The following DIAPH2 variants were observed in gnomAD, a reference collection of about 807,000 sequenced individuals.
DIAPH2 encodes diaphanous related formin 2.
DIAPH2 carries 35 observed loss-of-function variants against 92.7 expected under a neutral mutation model. The observed-to-expected ratio is 0.38, with a 90% confidence interval of 0.29 to 0.50. The LOEUF is 0.50. Ranked by LOEUF, DIAPH2 falls within the 20% of genes least tolerant of loss-of-function variation. The probability of loss-of-function intolerance (pLI) is 0.94; values close to 1 mark genes in which losing one functional copy is unlikely to be tolerated. For synonymous variants in DIAPH2, 301 were observed against 280.4 expected (o/e 1.07, Z -0.73); for missense variants, 701 against 819.5 (o/e 0.86, Z 1.77).
At chrX:96,868,441 C>A (rs370930433) in intron 4 of DIAPH2, among the ~76,000 whole-genome samples, 11 of 111,794 alleles carry the variant, frequency 9.8e-5, no homozygotes, top group African/African-American at 3.2e-4. Flanking sequence ...TTGCTGTGAG[C>A]TCCAGGTATA....
Position 97,383,914 on chromosome X carries a change from A to G in DIAPH2, c.3015A>G (p.Ala1005=). The change falls in exon 25 of 27, where the codon GCA becomes GCG. Residue 1005 remains alanine, a synonymous_variant. Transcript: ENST00000324765. ...AACTTTGTTTATATGTATAGGAAGCAGTGAGAGAAAACAATAAGAGAAGAG... is the reference window on the plus strand; with the variant it reads ...AACTTTGTTTATATGTATAGGAAGCGGTGAGAGAAAACAATAAGAGAAGAG... ...LNNFRTLFLE[A]VRENNKRREM... is the part of the protein sequence containing the mutation. 3.3e-6 allele frequency: 4 copies of G among 1,194,780 alleles called. No individual in the cohort carries two copies. Among genetic ancestry groups the G allele is most frequent in the Non-Finnish European group, 4.5e-6 (4 of 888,226 alleles).
chrX:97,526,911 T>A (rs2071028165), intron 26 of DIAPH2, among the ~76,000 whole-genome samples: 1 of 111,339 alleles, frequency 9.0e-6, no homozygotes, highest in Admixed American at 9.6e-5. Flanking sequence ...GACTCTGCTG[T>A]CCAACATGTC....
intron 9 of DIAPH2, among the ~76,000 whole-genome samples, chrX:96,921,355 T>G (rs1049852819): frequency 9.0e-6 from 1 of 111,488 alleles, no homozygotes; most frequent in Non-Finnish European, 1.9e-5. Context: ...TTGACTTTCC[T>G]TCAGCTTAGT....
intron 22 of DIAPH2, among the ~76,000 whole-genome samples, chrX:97,187,881 G>A (rs1441958658): frequency 9.0e-6 from 1 of 111,241 alleles, no homozygotes; most frequent in Non-Finnish European, 1.9e-5. Context: ...AATATTAATA[G>A]AAATATAGAT....
At chrX:96,976,023 C>A (rs775820077) in intron 17 of DIAPH2, among the ~76,000 whole-genome samples, 1 of 98,335 alleles carries the variant, frequency 1.0e-5, no homozygotes, top group Non-Finnish European at 2.1e-5. Flanking sequence ...CTCCCTCCCT[C>A]CCTTCCTTCC....
chrX:97,516,292 T>C (rs1316517161), intron 26 of DIAPH2, among the ~76,000 whole-genome samples: 3 of 111,272 alleles, frequency 2.7e-5, no homozygotes, highest in Non-Finnish European at 3.8e-5. Context: ...CATAAGGCCA[T>C]GAATGTACTC....
chrX:97,170,855 TC>T (rs2067447163), intron 22 of DIAPH2, among the ~76,000 whole-genome samples: 1 of 111,059 alleles, frequency 9.0e-6, no homozygotes, highest in African/African-American at 3.3e-5. Flanking sequence ...TACATGATTT[TC>T]TTTTTTAAAA....
At position 96,729,230 on chromosome X, in the gene DIAPH2, A is replaced by G. The variant is rs762726192; in HGVS notation, c.133-6528A>G. On this transcript the variant is annotated intron_variant, in intron 1 of 26. Transcript: ENST00000324765. ...GAGCAGAGGGATGACTTTGAATAGA[A>G]TAAGAGGCGGTTCCCAGCTTGAAGA... Among the ~76,000 whole-genome samples the G allele has an allele frequency of 7.1e-5, 8 of 112,193 alleles. No individual in the cohort carries two copies. In the South Asian group the frequency reaches 3.0e-3, roughly 42 times the overall value.
At chrX:97,518,479 A>T (rs2070966240) in intron 26 of DIAPH2, among the ~76,000 whole-genome samples, 2 of 110,248 alleles carry the variant, frequency 1.8e-5, no homozygotes, top group Admixed American at 1.9e-4. Flanking sequence ...TCCTTCTAAT[A>T]GCATATATAT....
At chrX:97,283,741 G>C (rs1382124007) in intron 23 of DIAPH2, among the ~76,000 whole-genome samples, 2 of 112,355 alleles carry the variant, frequency 1.8e-5, no homozygotes, top group Non-Finnish European at 3.8e-5. Flanking sequence ...TCGGGAGTTT[G>C]AGACCAGCCT....
intron 4 of DIAPH2, among the ~76,000 whole-genome samples, chrX:96,856,193 G>A (rs768763277): frequency 1.2e-4 from 13 of 111,604 alleles, no homozygotes; most frequent in Admixed American, 3.8e-4. Flanking sequence ...CATTTAATAA[G>A]CAGACTAGCC....
intron 22 of DIAPH2, among the ~76,000 whole-genome samples, chrX:97,162,614 C>T (rs748287617): frequency 7.2e-4 from 80 of 111,119 alleles, no homozygotes; most frequent in African/African-American, 2.3e-3. Flanking sequence ...AAGTGATCCT[C>T]CCTGCTTTCG....
Position 96,749,608 on chromosome X carries a change from G to A in DIAPH2, c.343-8546G>A, listed in dbSNP as rs764640947. Among the ~76,000 whole-genome samples, 3 of 111,929 alleles carry A rather than the reference G, an allele frequency of 2.7e-5. No individual in the cohort carries two copies. In the Admixed American group the frequency reaches 2.9e-4, roughly 11 times the overall value. Reference sequence around the variant, plus strand: ...AAGATTTCCTGCTGAACCATGACTAGTAAATTCCTGTCTTACTTGATGACA... The same window carrying A: ...AAGATTTCCTGCTGAACCATGACTAATAAATTCCTGTCTTACTTGATGACA... On this transcript the variant is annotated intron_variant, in intron 3 of 26. Transcript: ENST00000324765.
chrX:97,328,376 A>C (rs1440299618), intron 23 of DIAPH2, among the ~76,000 whole-genome samples: 1 of 111,604 alleles, frequency 9.0e-6, no homozygotes, highest in Non-Finnish European at 1.9e-5. Context: ...CAGAGGTTGC[A>C]GTGAGCTGAG....
chrX:97,159,657 C>T (rs866563308), intron 22 of DIAPH2, among the ~76,000 whole-genome samples: 5 of 110,715 alleles, frequency 4.5e-5, no homozygotes, highest in Admixed American at 9.5e-5. Flanking sequence ...TAGCCACATA[C>T]GCAGGTAGGT....
chrX:96,785,343 G>A (rs1251982712), intron 4 of DIAPH2, among the ~76,000 whole-genome samples: 1 of 110,502 alleles, frequency 9.0e-6, no homozygotes, highest in Non-Finnish European at 1.9e-5. Flanking sequence ...AGGCTAGGAA[G>A]TCCAAGATGA....
chrX:97,472,777 A>G (rs2070573400), intron 26 of DIAPH2, among the ~76,000 whole-genome samples: 1 of 112,366 alleles, frequency 8.9e-6, no homozygotes, highest in Non-Finnish European at 1.9e-5. Flanking sequence ...TACTCATCAC[A>G]GTATCTCTAG....
chrX:97,291,155 G>A (rs1290236181), intron 23 of DIAPH2, among the ~76,000 whole-genome samples: 2 of 109,980 alleles, frequency 1.8e-5, no homozygotes, highest in Non-Finnish European at 3.8e-5. Flanking sequence ...GGGAGGCCGA[G>A]GCGGGCAGAT....
At chrX:97,290,176 T>C (rs1172186716) in intron 23 of DIAPH2, among the ~76,000 whole-genome samples, 1 of 109,539 alleles carries the variant, frequency 9.1e-6, no homozygotes, top group Admixed American at 9.9e-5. Context: ...GAAAATGCAA[T>C]AGAATTCTGG....
Sources: allele counts gnomAD v4.1 joint callset (sites outside exome capture counted in the v4.1 genomes callset), GRCh38; gene constraint gnomAD v4.1.1; transcripts MANE v1.5; gene names NCBI Gene and HGNC (gene_info 2026-07-23, HGNC 2026-07-21).